NUDT7: variants seen among roughly 807,000 people sequenced by gnomAD.
NUDT7 encodes peroxisomal coenzyme A diphosphatase NUDT7.
In NUDT7, 19 loss-of-function variants were observed where a neutral mutation model predicts 13.1. The ratio of observed to expected loss-of-function variants is 1.45; its 90% CI spans 1.01 to 2.13. The LOEUF (loss-of-function observed/expected upper bound fraction) is 2.13. NUDT7 is among the 30% of genes most tolerant of loss of function. NUDT7 has a pLI of 0.00. For synonymous variants in NUDT7, 132 were observed against 109.7 expected (o/e 1.20, Z -1.27); for missense variants, 360 against 291.7 (o/e 1.23, Z -1.71).
intron 2 of NUDT7, among the ~76,000 whole-genome samples, chr16:77,733,826 G>C (rs893273582): frequency 3.2e-4 from 49 of 152,298 alleles, no homozygotes; most frequent in African/African-American, 1.2e-3. Context: ...GACAATTCAG[G>C]AGAGAAAGGA....
intron 3 of NUDT7, 80 bp downstream of exon 3, chr16:77,736,066 A>C: frequency 7.6e-7 from 1 of 1,311,766 alleles, no homozygotes; most frequent in Non-Finnish European, 1.1e-6. Flanking sequence ...CACATTTTCC[A>C]AACATAACCC....
chr16:77,733,779 G>A (rs1597115982), intron 2 of NUDT7, among the ~76,000 whole-genome samples: 1 of 152,178 alleles, frequency 6.6e-6, no homozygotes, highest in African/African-American at 2.4e-5. Flanking sequence ...TTGGAAAGAG[G>A]CAGACCCAGG....
chr16:77,739,633 C>A (rs530103400), intron 3 of NUDT7, among the ~76,000 whole-genome samples: 2 of 152,276 alleles, frequency 1.3e-5, no homozygotes, highest in African/African-American at 4.8e-5. Context: ...GCCCTAACCT[C>A]CTGGGAATGC....
intron 1 of NUDT7, among the ~76,000 whole-genome samples, chr16:77,723,546 G>C (rs1312855892): frequency 6.6e-6 from 1 of 150,982 alleles, no homozygotes; most frequent in East Asian, 1.9e-4. Flanking sequence ...ATATCCTCAA[G>C]CCTGACACAA....
chr16:77,734,446 A>G (rs967502374), intron 2 of NUDT7, among the ~76,000 whole-genome samples: 1 of 151,928 alleles, frequency 6.6e-6, no homozygotes, highest in Non-Finnish European at 1.5e-5. Flanking sequence ...ACATGGTGAA[A>G]CCCCGTCTCT....
rs760402917 is a variant in NUDT7 at position 77,725,574 on chromosome 16, G to A, written c.179G>A (p.Arg60Gln). 14 of 1,613,470 alleles carry A rather than the reference G, an allele frequency of 8.7e-6. No individual in the cohort carries two copies. The highest frequency in any genetic ancestry group is 5.0e-5 in the Admixed American group (3 of 59,920). ...AAACTCCATTTGTTGTTCACCGTCC[G>A]GTCAGAGAAGGTAGGTGGACAAAAA... ...EGKLHLLFTV[R>Q]SEKLRRAPGE... The change falls in exon 2 of 4, where the codon CGG (arginine) becomes CAG (glutamine). Residue 60 changes from arginine to glutamine, a missense_variant. Arg to Gln is a conservative substitution (Grantham distance 43). Transcript: ENST00000268533.
intron 2 of NUDT7, among the ~76,000 whole-genome samples, chr16:77,732,596 T>TA (rs2014351999): frequency 6.6e-6 from 1 of 152,162 alleles, no homozygotes; most frequent in Non-Finnish European, 1.5e-5. Context: ...ACCATTATGT[T>TA]ACTATTGCCT....
intron 3 of NUDT7, 144 bp downstream of exon 3, chr16:77,736,130 C>T: frequency 1.3e-6 from 1 of 744,252 alleles, no homozygotes; most frequent in Non-Finnish European, 2.2e-6. Context: ...AGACATTGCC[C>T]CTCATGAGTC....
Position 77,736,006 on chromosome 16 carries a change from C to A in NUDT7, c.348+20C>A. 1 of 1,611,856 alleles carries A rather than the reference C, an allele frequency of 6.2e-7. No individual in the cohort carries two copies. Among genetic ancestry groups the A allele is most frequent in the Non-Finnish European group, 8.5e-7 (1 of 1,178,088 alleles). On this transcript the variant is annotated intron_variant, in intron 3 of 3. Transcript: ENST00000268533. ...ATTGATGTAAGGGTTTCCTGAGACA[C>A]TCATGAGCACCGTCCCCACCCCCAG...
At chr16:77,735,525 C>A in intron 2 of NUDT7, 1 of 559,476 alleles carries the variant, frequency 1.8e-6, no homozygotes, top group East Asian at 2.8e-5. Context: ...AACCAAACCT[C>A]TTTTCTTTAT....
rs3056040 is a variant in NUDT7, at chr16:77,726,955, A to AC, written c.189+1371_189+1372insC. On this transcript the variant is annotated intron_variant, in intron 2 of 3. Transcript: ENST00000268533. ...CTCAGGGAGTGTACCATCATGGCAG[A>AC]GGGGGAGCAGGAGCAAGAGAGAGAG... 6.6e-5 allele frequency among the ~76,000 whole-genome samples: 10 copies of AC among 151,878 alleles called. No individual in the cohort carries two copies. The South Asian group carries it at 1.9e-3, about 28-fold the overall frequency.
chr16:77,741,291 G>C (rs372493321), intron 3 of NUDT7, among the ~76,000 whole-genome samples: 4 of 152,116 alleles, frequency 2.6e-5, no homozygotes, highest in African/African-American at 9.7e-5. Flanking sequence ...GCAATTCCCA[G>C]GTCAAAGCGA....
chr16:77,732,588 C>T (rs1050673932), intron 2 of NUDT7, among the ~76,000 whole-genome samples: 6 of 152,084 alleles, frequency 3.9e-5, no homozygotes, highest in Non-Finnish European at 1.5e-5. Context: ...AAATACTTAC[C>T]ATTATGTTAC....
rs531904379 is a variant in NUDT7 at position 77,736,125 on chromosome 16, T to C, written c.348+139T>C. The C allele has an allele frequency of 1.1e-4, 82 of 778,128 alleles. No individual in the cohort carries two copies. In the African/African-American group the frequency reaches 1.3e-3, roughly 12 times the overall value. The allele number at this position is 778,128 out of a possible 1,614,324, so 48.2% of individuals were successfully genotyped here. A position where few individuals can be genotyped will look rare whatever the true frequency, so the allele number is the denominator to read the frequency against. ...AAGAGAACAGGTTCTCCTACAGACA[T>C]TGCCCCTCATGAGTCAAGTGGCTAT... On this transcript the variant is annotated intron_variant, in intron 3 of 3. Coordinates refer to ENST00000268533, the MANE Select transcript of NUDT7 (RefSeq NM_001105663.3).
At chr16:77,737,263 G>A (rs1191715242) in intron 3 of NUDT7, 1 of 152,140 alleles carries the variant, frequency 6.6e-6, no homozygotes, top group Non-Finnish European at 1.5e-5. Context: ...TGTCTCCTTA[G>A]TCCTCTGGTC....
Position 77,725,519 on chromosome 16 carries a change from G to C in NUDT7, c.124G>C (p.Val42Leu). The change falls in exon 2 of 4, where the codon GTC becomes CTC. Residue 42 changes from valine to leucine, a missense_variant. Val to Leu is a conservative substitution (Grantham distance 32). Coordinates refer to ENST00000268533, the MANE Select transcript of NUDT7 (RefSeq NM_001105663.3). ...TCACTTGCCATATAACAAATACTCC[G>C]TCCTTTTGCCATTGGTGGCTAAAGA... is the stretch of plus-strand genomic sequence containing the variant. ...YSHLPYNKYSVLLPLVAKEGK... is the reference protein window; with the variant it reads ...YSHLPYNKYSLLLPLVAKEGK... 2 of 1,613,990 alleles carry C rather than the reference G, an allele frequency of 1.2e-6. No individual in the cohort carries two copies. Among genetic ancestry groups the C allele is most frequent in the Non-Finnish European group, 1.7e-6 (2 of 1,179,942 alleles).
intron 2 of NUDT7, among the ~76,000 whole-genome samples, chr16:77,729,520 A>C (rs187565260): frequency 6.6e-6 from 1 of 152,270 alleles, no homozygotes; most frequent in African/African-American, 2.4e-5. Context: ...TCTTCAAAAT[A>C]GCATATTTTC....
chr16:77,740,709 G>A (rs997778102), intron 3 of NUDT7, among the ~76,000 whole-genome samples: 40 of 151,924 alleles, frequency 2.6e-4, no homozygotes, highest in African/African-American at 7.2e-4. Flanking sequence ...CACCACACCC[G>A]GCTAATTTGT....
intron 3 of NUDT7, among the ~76,000 whole-genome samples, chr16:77,738,480 A>G (rs1456543451): frequency 6.6e-6 from 1 of 152,208 alleles, no homozygotes; most frequent in Non-Finnish European, 1.5e-5. Flanking sequence ...AATGTATCAC[A>G]AAAATGCCAT....
Sources: gnomAD v4.1 joint callset for allele counts (sites outside exome capture counted in the v4.1 genomes callset) on GRCh38, gnomAD v4.1.1 for gene constraint, MANE v1.5 for transcripts, NCBI Gene and HGNC (gene_info 2026-07-23, HGNC 2026-07-21) for gene names.